The following SPEG variants were observed in gnomAD, a reference collection of about 807,000 sequenced individuals.
SPEG encodes the protein striated muscle enriched protein kinase.
A neutral mutation model predicts 300.4 loss-of-function variants in SPEG; 114 were observed. The observed-to-expected ratio is 0.38, with a 90% CI of 0.33 to 0.44. SPEG has a LOEUF of 0.44. Ranked by LOEUF, SPEG falls within the 20% of genes least tolerant of loss-of-function variation. The pLI is 1.00. For synonymous variants in SPEG, 1,964 were observed against 2,018.9 expected (o/e 0.97, Z 0.73); for missense variants, 4,201 against 4,586.2 (o/e 0.92, Z 2.43).
rs1187871362 is a variant in SPEG at position 219,483,603 on chromosome 2, G to A, written c.6140G>A (p.Ser2047Asn). ...GAGCTGCCGCAGCGCCGGAGCCCCA[G>A]CCCGGGAGCCACCCGCCTGGCCCGG... Reference protein sequence around the residue: ...SVELPQRRSPSPGATRLARGG... With the variant: ...SVELPQRRSPNPGATRLARGG... The change falls in exon 30 of 41, where the codon AGC (serine) becomes AAC (asparagine). Residue 2047 changes from serine (S) to asparagine (N), a missense_variant. Transcript: ENST00000312358. The A allele has an allele frequency of 1.3e-6, 2 of 1,499,980 alleles. No individual in the cohort carries two copies. Among genetic ancestry groups the A allele is most frequent in the African/African-American group, 2.9e-5 (2 of 68,766 alleles). 92.9% of individuals were successfully genotyped at this position (1,499,980 alleles called of 1,614,324 possible). A position where few individuals can be genotyped will look rare whatever the true frequency, so the allele number is the denominator to read the frequency against.
At position 219,451,913 on chromosome 2, in the gene SPEG, A is replaced by C. The variant is rs1689789975; in HGVS notation, c.2440+106A>C. On this transcript the variant is annotated intron_variant, in intron 6 of 40. Coordinates refer to ENST00000312358, the MANE Select transcript of SPEG (RefSeq NM_005876.5). This position sits in a 1 kb window ranked among gnomAD's most constrained non-coding sequence, Gnocchi z 6.4. ...CCCACTCTCAGCCTTGAGCTTGGGC[A>C]CCCCGCCAGCATACTTAGTCCATGC... The C allele has an allele frequency of 8.4e-7, 1 of 1,194,970 alleles. No individual in the cohort carries two copies. The highest frequency in any genetic ancestry group is 1.1e-6 in the Non-Finnish European group (1 of 889,174). 74.0% of individuals were successfully genotyped at this position (1,194,970 alleles called of 1,614,324 possible). A position where few individuals can be genotyped will look rare whatever the true frequency, so the allele number is the denominator to read the frequency against.
At chr2:219,435,421 A>G in intron 1 of SPEG, 56 bp downstream of exon 1, 2 of 1,475,974 alleles carry the variant, frequency 1.4e-6, no homozygotes, top group East Asian at 2.6e-5. Context: ...GAGGTAGAAA[A>G]GGGCTGCCCA....
At position 219,451,907 on chromosome 2, in the gene SPEG, T is replaced by C; in HGVS notation, c.2440+100T>C. ...TCCCTTCCCACTCTCAGCCTTGAGC[T>C]TGGGCACCCCGCCAGCATACTTAGT... On this transcript the variant is annotated intron_variant, in intron 6 of 40. Transcript: ENST00000312358. The surrounding 1 kb of genome is among the most constrained non-coding windows in gnomAD (Gnocchi z 6.4). 3 of 1,258,868 alleles carry C rather than the reference T, an allele frequency of 2.4e-6. No individual in the cohort carries two copies. In the East Asian group the frequency reaches 8.1e-5, roughly 34 times the overall value. The allele number at this position is 1,258,868 out of a possible 1,614,324, so 78.0% of individuals were successfully genotyped here.
At position 219,489,102 on chromosome 2, in the gene SPEG, A is replaced by G. The variant is rs1369384347; in HGVS notation, c.8198A>G (p.Tyr2733Cys). The stretch of plus-strand genomic sequence containing the variant: ...AGCTCAGGCATCCCCGACTGTTACT[A>G]CAACGTGACCCACCTGCCAGTTGGC... ...PVSSGIPDCY[Y>C]NVTHLPVGVT... The change falls in exon 35 of 41, where the codon TAC becomes TGC. Residue 2733 changes from tyrosine (Y) to cysteine (C), a missense_variant. Tyr to Cys is a radical substitution (Grantham distance 194). Around this residue, in one of 4 missense-constraint regions of SPEG, gnomAD observed 1,578 missense variants for 1,506.0 expected, o/e 1.05. Coordinates refer to ENST00000312358, the MANE Select transcript of SPEG (RefSeq NM_005876.5). The G allele has an allele frequency of 6.2e-7, 1 of 1,613,834 alleles. No individual in the cohort carries two copies. Among genetic ancestry groups the G allele is most frequent in the Non-Finnish European group, 8.5e-7 (1 of 1,179,910 alleles).
Position 219,481,826 on chromosome 2 carries a change from G to T in SPEG, c.5565+146G>T. On this transcript the variant is annotated intron_variant, in intron 28 of 40. Transcript: ENST00000312358. This position sits in a 1 kb window ranked among gnomAD's most constrained non-coding sequence, Gnocchi z 5.4. ...GACGTATTAGCCTCACAATAGCTTT[G>T]CAAAGGAAGGCATTATTAGTCCCAT... The T allele has an allele frequency of 1.3e-6, 1 of 751,682 alleles. No homozygotes were observed. The highest frequency in any genetic ancestry group is 2.3e-6 in the Non-Finnish European group (1 of 425,668). 46.6% of individuals were successfully genotyped at this position (751,682 alleles called of 1,614,324 possible).
rs1694108313 is a variant in SPEG, at chr2:219,492,893, C to T, written c.*107C>T. On this transcript the variant is annotated 3_prime_UTR_variant, in exon 41 of 41. Coordinates refer to ENST00000312358, the MANE Select transcript of SPEG (RefSeq NM_005876.5). ...CAGGCGGGCCTGGGGCTTCGGTTAC[C>T]ACCAGCAGCAACATCTGGCTGGGCT... The T allele has an allele frequency of 1.8e-6, 2 of 1,130,600 alleles. No homozygotes were observed. Among genetic ancestry groups the T allele is most frequent in the Admixed American group, 4.0e-5 (2 of 50,480 alleles). 70.0% of individuals were successfully genotyped at this position (1,130,600 alleles called of 1,614,324 possible).
rs541591905 is a variant in SPEG, at chr2:219,443,167, C to T, written c.389-1486C>T. ...TCACCCATGGTGCGTGGACCGTGGG[C>T]GTCCTTGCTCTAGCCCATGCCTACT... On this transcript the variant is annotated intron_variant, in intron 1 of 40. Transcript: ENST00000312358. The surrounding 1 kb of genome is among the most constrained non-coding windows in gnomAD (Gnocchi z 4.6). 5.5e-5 allele frequency: 88 copies of T among 1,611,356 alleles called. No homozygotes were observed. The highest frequency in any genetic ancestry group is 5.0e-4 in the Middle Eastern group (3 of 6,060).
intron 31 of SPEG, among the ~76,000 whole-genome samples, chr2:219,487,629 G>A (rs1044658234): frequency 6.6e-6 from 1 of 152,150 alleles, no homozygotes; most frequent in Non-Finnish European, 1.5e-5. Context: ...TCCCCCGATG[G>A]CAGGTGGGAA....
intron 6 of SPEG, among the ~76,000 whole-genome samples, chr2:219,454,887 A>C (rs977106518): frequency 6.6e-6 from 1 of 152,190 alleles, no homozygotes; most frequent in African/African-American, 2.4e-5. Flanking sequence ...TGAGGTCAGG[A>C]GTTCGAGACC....
Position 219,458,762 on chromosome 2 carries a change from A to G in SPEG, c.2441-3120A>G, listed in dbSNP as rs954892348. 2.0e-5 allele frequency among the ~76,000 whole-genome samples: 3 copies of G among 152,182 alleles called. No homozygotes were observed. Among genetic ancestry groups the G allele is most frequent in the African/African-American group, 7.2e-5 (3 of 41,446 alleles). ...GTGGTCCCTAAGCTTTCATGTGCCT[A>G]AGAGTCATCTGGGGTGCTTTTTAAA... On this transcript the variant is annotated intron_variant, in intron 6 of 40. Transcript: ENST00000312358. The surrounding 1 kb of genome is among the most constrained non-coding windows in gnomAD (Gnocchi z 4.2).
chr2:219,436,813 C>T (rs546471496), intron 1 of SPEG, among the ~76,000 whole-genome samples: 16 of 152,136 alleles, frequency 1.1e-4, no homozygotes, highest in East Asian at 3.9e-4. Context: ...TAGCAGACTT[C>T]GGAGCTGGGG....
In SPEG at chr2:219,451,496, A is replaced by T; in HGVS notation, c.2258-129A>T. 1 of 1,141,246 alleles carries T rather than the reference A, an allele frequency of 8.8e-7. No homozygotes were observed. The highest frequency in any genetic ancestry group is 1.8e-5 in the South Asian group (1 of 56,696). 70.7% of individuals were successfully genotyped at this position (1,141,246 alleles called of 1,614,324 possible). A position where few individuals can be genotyped will look rare whatever the true frequency, so the allele number is the denominator to read the frequency against. On this transcript the variant is annotated intron_variant, in intron 5 of 40. Transcript: ENST00000312358. This position sits in a 1 kb window ranked among gnomAD's most constrained non-coding sequence, Gnocchi z 6.4. ...CCTGAGCTTCCCAAAATGAGGGCGG[A>T]CTCTTCCAGATTCCCTGGGGTGCTG... is the stretch of plus-strand genomic sequence containing the variant.
Position 219,435,098 on chromosome 2 carries a change from G to T in SPEG, c.121G>T (p.Gly41Trp). The T allele has an allele frequency of 1.4e-6, 2 of 1,459,032 alleles. No homozygotes were observed. Among genetic ancestry groups the T allele is most frequent in the South Asian group, 1.4e-5 (1 of 73,644 alleles). 90.4% of individuals were successfully genotyped at this position (1,459,032 alleles called of 1,614,324 possible). Residue 41 changes from glycine to tryptophan, a missense_variant, in exon 1 of 41, where the codon GGG (glycine) becomes TGG (tryptophan). Physicochemically the swap from Gly to Trp is radical, Grantham distance 184 (BLOSUM62 -2). Coordinates refer to ENST00000312358, the MANE Select transcript of SPEG (RefSeq NM_005876.5). Reference sequence around the variant, plus strand: ...CGGCGGGGCTCCTGTGGCCGTGGCCGGGGCGCCAGTCTTCCTGCGGCCCCT... The same window carrying T: ...CGGCGGGGCTCCTGTGGCCGTGGCCTGGGCGCCAGTCTTCCTGCGGCCCCT... ...AGGGAPVAVA[G>W]APVFLRPLKN...
chr2:219,472,249 T>G lies in SPEG; in HGVS notation c.3858T>G (p.Asp1286Glu), dbSNP rs747057626. 7.4e-6 allele frequency: 12 copies of G among 1,613,814 alleles called. No homozygotes were observed. In the South Asian group the frequency reaches 1.3e-4, roughly 18 times the overall value. The change falls in exon 15 of 41, where the codon GAT (aspartate) becomes GAG (glutamate). Residue 1286 changes from aspartate to glutamate, a missense_variant. Coordinates refer to ENST00000312358, the MANE Select transcript of SPEG (RefSeq NM_005876.5). ...YVTDVVPGPP[D>E]GAPQVVAVTG... ...CAGATGTGGTCCCAGGCCCTCCAGATGGCGCCCCGCAGGTGGTGGCTGTGA... is the reference window on the plus strand; with the variant it reads ...CAGATGTGGTCCCAGGCCCTCCAGAGGGCGCCCCGCAGGTGGTGGCTGTGA...
chr2:219,466,044 T>C, intron 9 of SPEG: 1 of 1,604,892 alleles, frequency 6.2e-7, no homozygotes, highest in Non-Finnish European at 8.5e-7. Context: ...CTGAGGTTTT[T>C]GTCTGTACAC....
intron 31 of SPEG, among the ~76,000 whole-genome samples, chr2:219,487,128 C>A (rs1324141398): frequency 1.3e-5 from 2 of 152,058 alleles, no homozygotes; most frequent in African/African-American, 2.4e-5. Context: ...TCACCCACCA[C>A]CCCCATGGCC....
Position 219,477,041 on chromosome 2 carries a change from G to T in SPEG, c.4560+59G>T. The T allele has an allele frequency of 6.9e-7, 1 of 1,450,512 alleles. No individual in the cohort carries two copies. 89.9% of individuals were successfully genotyped at this position (1,450,512 alleles called of 1,614,324 possible). ...GGAGGAGGGGCTCCCTGGGGGCGTG[G>T]GAGGGTCCTGGAAGGCCTTAGGAGG... is the stretch of plus-strand genomic sequence containing the variant. On this transcript the variant is annotated intron_variant, in intron 19 of 40. Coordinates refer to ENST00000312358, the MANE Select transcript of SPEG (RefSeq NM_005876.5). This position sits in a 1 kb window ranked among gnomAD's most constrained non-coding sequence, Gnocchi z 6.4.
intron 6 of SPEG, chr2:219,460,516 C>G (rs1363130469): frequency 2.0e-6 from 2 of 985,308 alleles, no homozygotes; most frequent in Admixed American, 1.2e-4. Flanking sequence ...CTGTCTTGCT[C>G]GGGGACGGAG....
Position 219,481,926 on chromosome 2 carries a change from T to A in SPEG, c.5565+246T>A. The A allele has an allele frequency of 1.7e-6, 1 of 594,678 alleles. No individual in the cohort carries two copies. 36.8% of individuals were successfully genotyped at this position (594,678 alleles called of 1,614,324 possible). ...CATACTGGACTCCAGGGCATACGTC[T>A]GGACCTCTCCATCCTGGGCGTCCTC... On this transcript the variant is annotated intron_variant, in intron 28 of 40. Transcript: ENST00000312358. The surrounding 1 kb of genome is among the most constrained non-coding windows in gnomAD (Gnocchi z 5.4).
Sources: allele counts gnomAD v4.1 joint callset (sites outside exome capture counted in the v4.1 genomes callset), GRCh38; gene constraint gnomAD v4.1.1; regional missense constraint gnomAD v4.1.1; non-coding constraint Gnocchi (gnomAD v3.1); transcripts MANE v1.5; gene names NCBI Gene and HGNC (gene_info 2026-07-23, HGNC 2026-07-21).